ASTN2: variants seen among roughly 807,000 people sequenced by gnomAD.
The protein encoded by ASTN2 is astrotactin-2.
In ASTN2, 54 loss-of-function variants were observed where a neutral mutation model predicts 139.8. The ratio of observed to expected loss-of-function variants is 0.39; its 90% CI spans 0.31 to 0.48. The LOEUF (loss-of-function observed/expected upper bound fraction) is 0.48, where lower values mean the gene tolerates loss of function less well. Among genes scored for constraint, ASTN2 ranks in the 20% least tolerant of loss-of-function variants. The pLI, the probability that ASTN2 is intolerant of heterozygous loss-of-function variation, is 0.95. For synonymous variants in ASTN2, 756 were observed against 719.5 expected, an observed-to-expected ratio of 1.05 and a Z score of -0.81; for missense variants, 1,565 against 1,725.1, an observed-to-expected ratio of 0.91 and a Z score of 1.64.
At chr9:117,205,411 T>C (rs1831884718) in intron 3 of ASTN2, among the ~76,000 whole-genome samples, 1 of 152,162 alleles carries the variant, frequency 6.6e-6, no homozygotes, top group Admixed American at 6.5e-5. Context: ...CCATTAACCC[T>C]TCAAGGAGGA....
intron 4 of ASTN2, among the ~76,000 whole-genome samples, chr9:117,118,926 C>G (rs757040987): frequency 3.3e-5 from 5 of 152,138 alleles, no homozygotes; most frequent in Non-Finnish European, 7.4e-5. Flanking sequence ...TATCTTTTTA[C>G]CCTGTTTTAT....
At chr9:116,888,409 A>T (rs1293574932) in intron 10 of ASTN2, among the ~76,000 whole-genome samples, 2 of 152,174 alleles carry the variant, frequency 1.3e-5, no homozygotes, top group African/African-American at 4.8e-5. Flanking sequence ...AACAGTGTAG[A>T]TGCTCAATAA....
chr9:116,819,048 T>C (rs1831411913), intron 12 of ASTN2, among the ~76,000 whole-genome samples: 1 of 152,220 alleles, frequency 6.6e-6, no homozygotes, highest in Non-Finnish European at 1.5e-5. Context: ...GCTTGCCTTA[T>C]GGCTAAGGGA....
At chr9:117,252,806 C>T (rs1200498798) in intron 2 of ASTN2, among the ~76,000 whole-genome samples, 1 of 152,192 alleles carries the variant, frequency 6.6e-6, no homozygotes, top group Non-Finnish European at 1.5e-5. Flanking sequence ...AGCCCTTTTT[C>T]CATTCTCTGC....
At chr9:116,867,927 C>G (rs527247673) in intron 10 of ASTN2, among the ~76,000 whole-genome samples, 1 of 152,168 alleles carries the variant, frequency 6.6e-6, no homozygotes, top group African/African-American at 2.4e-5. Context: ...GTTTTCTTAA[C>G]TCGGGGGCTC....
chr9:116,934,208 C>T (rs10983418), intron 10 of ASTN2, among the ~76,000 whole-genome samples: 1 of 151,966 alleles, frequency 6.6e-6, no homozygotes, highest in Non-Finnish European at 1.5e-5. Flanking sequence ...AGAGGTGCCT[C>T]GATGCCTTGG....
chr9:116,689,062 A>G (rs1248141668), intron 16 of ASTN2, among the ~76,000 whole-genome samples: 4 of 152,152 alleles, frequency 2.6e-5, no homozygotes, highest in Admixed American at 2.6e-4. Flanking sequence ...AACATTAAAC[A>G]TAATGTTTTA....
chr9:116,601,844 G>A (rs1399440411), intron 19 of ASTN2, among the ~76,000 whole-genome samples: 1 of 152,172 alleles, frequency 6.6e-6, no homozygotes, highest in Non-Finnish European at 1.5e-5. Flanking sequence ...GAAGAATGAG[G>A]TGGAGACCCA....
intron 10 of ASTN2, among the ~76,000 whole-genome samples, chr9:116,886,736 A>T (rs200357486): frequency 8.4e-5 from 7 of 82,862 alleles, no homozygotes; most frequent in East Asian, 1.7e-3. Flanking sequence ...ATAAAAGAAT[A>T]TTTTTTTTAT....
intron 1 of ASTN2, among the ~76,000 whole-genome samples, chr9:117,295,189 G>A (rs1017990756): frequency 6.6e-6 from 1 of 152,062 alleles, no homozygotes; most frequent in Non-Finnish European, 1.5e-5. Context: ...AAGCATGGTG[G>A]CATGTACCTG....
intron 10 of ASTN2, among the ~76,000 whole-genome samples, chr9:116,895,522 C>G (rs762872632): frequency 1.3e-5 from 2 of 152,052 alleles, no homozygotes; most frequent in Non-Finnish European, 2.9e-5. Context: ...GGCACAGGGG[C>G]AAAGGATGTG....
At chr9:116,856,842 T>C (rs1189239406) in intron 11 of ASTN2, among the ~76,000 whole-genome samples, 1 of 152,082 alleles carries the variant, frequency 6.6e-6, no homozygotes, top group East Asian at 1.9e-4. Context: ...TGGGATTGGT[T>C]TGAGATTGTT....
intron 2 of ASTN2, among the ~76,000 whole-genome samples, chr9:117,259,408 AG>A (rs1833769478): frequency 6.6e-6 from 1 of 152,160 alleles, no homozygotes; most frequent in Non-Finnish European, 1.5e-5. Context: ...CATGATGGGA[AG>A]GGGAGGTCAG....
chr9:116,804,368 A>G (rs1564276714), intron 13 of ASTN2, among the ~76,000 whole-genome samples: 1 of 152,070 alleles, frequency 6.6e-6, no homozygotes, highest in Non-Finnish European at 1.5e-5. Flanking sequence ...GCCTCCAGTG[A>G]TTCTAATAAT....
chr9:116,521,540 A>T (rs945214164), intron 19 of ASTN2, among the ~76,000 whole-genome samples: 4 of 152,190 alleles, frequency 2.6e-5, no homozygotes, highest in Non-Finnish European at 5.9e-5. Flanking sequence ...AACCATAAAG[A>T]TTCTAGAAGA....
intron 3 of ASTN2, among the ~76,000 whole-genome samples, chr9:117,191,985 C>T (rs1044561391): frequency 2.0e-5 from 3 of 152,106 alleles, no homozygotes; most frequent in Non-Finnish European, 4.4e-5. Context: ...AGAGCATGCC[C>T]GTTTGTTTTG....
rs148853595 is a variant in ASTN2 at position 116,835,185 on chromosome 9, G to A, written c.2041-14402C>T. 4.3e-3 allele frequency among the ~76,000 whole-genome samples: 655 copies of A among 151,952 alleles called. 2 individuals are homozygous for A. Among genetic ancestry groups the A allele is most frequent in the African/African-American group, 0.015 (621 of 41,440 alleles). On this transcript the variant is annotated intron_variant, in intron 11 of 22. Transcript: ENST00000313400. ...GAAGACCAATTCTGATTTTTTTCTT[G>A]CCCAAATTACTATCTGAGGGGTCTG... is the stretch of plus-strand genomic sequence containing the variant.
At chr9:117,146,147 C>T (rs1203154393) in intron 3 of ASTN2, among the ~76,000 whole-genome samples, 1 of 152,144 alleles carries the variant, frequency 6.6e-6, no homozygotes, top group Non-Finnish European at 1.5e-5. Flanking sequence ...CTCCCGACCC[C>T]ATTCAGCAGC....
intron 19 of ASTN2, among the ~76,000 whole-genome samples, chr9:116,560,452 A>G (rs1374015491): frequency 6.7e-6 from 1 of 149,380 alleles, no homozygotes; most frequent in African/African-American, 2.4e-5. Flanking sequence ...GTGGATCTGG[A>G]CTTCCCTATC....
Sources: gnomAD v4.1 joint callset for allele counts (sites outside exome capture counted in the v4.1 genomes callset) on GRCh38, gnomAD v4.1.1 for gene constraint, MANE v1.5 for transcripts, NCBI Gene and HGNC (gene_info 2026-07-23, HGNC 2026-07-21) for gene names.